The following CEP112 variants were observed in gnomAD, a reference collection of about 807,000 sequenced individuals.
CEP112 encodes centrosomal protein of 112 kDa.
In CEP112, 127 loss-of-function variants were observed where a neutral mutation model predicts 153.0. That is an observed-to-expected ratio of 0.83 (90% confidence interval 0.72 to 0.96). The LOEUF (loss-of-function observed/expected upper bound fraction) is 0.96. Ranked by LOEUF, CEP112 falls within the 40% of genes least tolerant of loss-of-function variation. CEP112 has a pLI of 0.00. For synonymous variants in CEP112, 358 were observed against 374.4 expected, an observed-to-expected ratio of 0.96 and a Z score of 0.51; for missense variants, 1,089 against 1,101.2, an observed-to-expected ratio of 0.99 and a Z score of 0.16.
At chr17:66,142,974 G>A (rs934372403) in intron 4 of CEP112, among the ~76,000 whole-genome samples, 3 of 152,160 alleles carry the variant, frequency 2.0e-5, no homozygotes, top group African/African-American at 7.2e-5. Context: ...CAATCCATGA[G>A]CACAGGATAT....
At chr17:65,687,155 T>C (rs1439599176) in intron 24 of CEP112, among the ~76,000 whole-genome samples, 6 of 143,632 alleles carry the variant, frequency 4.2e-5, no homozygotes, top group Non-Finnish European at 7.4e-5. Flanking sequence ...GTATAGTTAT[T>C]ATTAATTTTT....
chr17:65,962,265 T>C (rs2062232159), intron 17 of CEP112, among the ~76,000 whole-genome samples: 1 of 151,426 alleles, frequency 6.6e-6, no homozygotes, highest in Admixed American at 6.6e-5. Flanking sequence ...ATGTGAATTA[T>C]ATCTCATGTT....
At chr17:66,046,634 A>C (rs949668416) in intron 12 of CEP112, among the ~76,000 whole-genome samples, 2 of 152,216 alleles carry the variant, frequency 1.3e-5, no homozygotes, top group African/African-American at 4.8e-5. Context: ...GTTGAAGGAC[A>C]ATCTCCCGTA....
chr17:66,164,019 T>C lies in CEP112; in HGVS notation c.470+11025A>G, dbSNP rs2071825381. ...CAAGGACCATTATTTTCAAAGCTGC[T>C]CCATCCCAGTTACAAATAGTTGCCA... is the stretch of plus-strand genomic sequence containing the variant. On this transcript the variant is annotated intron_variant, in intron 4 of 26. Transcript: ENST00000535342. 3.3e-5 allele frequency among the ~76,000 whole-genome samples: 5 copies of C among 152,204 alleles called. No homozygotes were observed. In the South Asian group the frequency reaches 1.0e-3, roughly 31 times the overall value.
At chr17:65,950,949 G>A (rs181731262) in intron 18 of CEP112, among the ~76,000 whole-genome samples, 1 of 152,028 alleles carries the variant, frequency 6.6e-6, no homozygotes, top group African/African-American at 2.4e-5. Context: ...AATCATAAAT[G>A]GTGCTTGAAT....
At chr17:65,837,406 T>C (rs2057354564) in intron 21 of CEP112, among the ~76,000 whole-genome samples, 1 of 151,786 alleles carries the variant, frequency 6.6e-6, no homozygotes, top group East Asian at 1.9e-4. Context: ...GGAGCGCCTC[T>C]GCCCCGCCGC....
At chr17:65,734,704 T>C (rs1361314499) in intron 23 of CEP112, among the ~76,000 whole-genome samples, 1 of 152,210 alleles carries the variant, frequency 6.6e-6, no homozygotes, top group Non-Finnish European at 1.5e-5. Context: ...GATGTTATTT[T>C]GATTGAAGAA....
At chr17:66,014,711 C>A (rs1343416217) in intron 16 of CEP112, among the ~76,000 whole-genome samples, 1 of 152,150 alleles carries the variant, frequency 6.6e-6, no homozygotes, top group Non-Finnish European at 1.5e-5. Context: ...ACATTAGGAG[C>A]CAGGAAGAAG....
intron 21 of CEP112, among the ~76,000 whole-genome samples, chr17:65,790,828 TCTG>T (rs1210677358): frequency 1.3e-5 from 2 of 152,198 alleles, no homozygotes; most frequent in Non-Finnish European, 2.9e-5. Flanking sequence ...TCTGTGATCT[TCTG>T]CTAAGTTCTT....
chr17:66,187,313 A>G (rs774786167), intron 1 of CEP112, among the ~76,000 whole-genome samples: 24 of 152,064 alleles, frequency 1.6e-4, no homozygotes, highest in Non-Finnish European at 2.9e-4. Flanking sequence ...CATTCGCCAA[A>G]TCCACTTACT....
At chr17:65,947,245 T>C (rs951332816) in intron 18 of CEP112, among the ~76,000 whole-genome samples, 1 of 121,918 alleles carries the variant, frequency 8.2e-6, no homozygotes, top group African/African-American at 2.7e-5. Flanking sequence ...ACACCTTCTA[T>C]TATAATCATA....
At chr17:66,104,893 G>T (rs1742649960) in intron 6 of CEP112, among the ~76,000 whole-genome samples, 1 of 152,152 alleles carries the variant, frequency 6.6e-6, no homozygotes, top group African/African-American at 2.4e-5. Context: ...GAATTTCTTT[G>T]ATCCGAAAGG....
At chr17:65,894,690 G>A (rs1468902138) in intron 20 of CEP112, among the ~76,000 whole-genome samples, 1 of 152,030 alleles carries the variant, frequency 6.6e-6, no homozygotes, top group African/African-American at 2.4e-5. Context: ...ATCAAGACTG[G>A]TAGGCCTCAT....
At chr17:65,750,638 T>C (rs746906381) in intron 22 of CEP112, 24 bp downstream of exon 22, 5 of 1,608,236 alleles carry the variant, frequency 3.1e-6, no homozygotes, top group Non-Finnish European at 4.3e-6. Flanking sequence ...TTTACCCTGT[T>C]TTGTGTCTTT....
At chr17:65,660,401 T>C (rs952376902) in intron 24 of CEP112, among the ~76,000 whole-genome samples, 11 of 113,586 alleles carry the variant, frequency 9.7e-5, no homozygotes, top group African/African-American at 2.9e-4. Flanking sequence ...CTCCCTCCCT[T>C]CCTTTCTCCC....
intron 21 of CEP112, among the ~76,000 whole-genome samples, chr17:65,835,687 A>G (rs1273215282): frequency 6.6e-6 from 1 of 152,184 alleles, no homozygotes; most frequent in Non-Finnish European, 1.5e-5. Context: ...ATTCATCAAC[A>G]CCAGACCTGT....
chr17:66,126,311 G>T (rs566319730), intron 6 of CEP112, among the ~76,000 whole-genome samples: 2 of 151,888 alleles, frequency 1.3e-5, no homozygotes, highest in African/African-American at 4.8e-5. Context: ...TACATTAATC[G>T]CAAAATAAAT....
chr17:66,017,647 A>C (rs17625989), intron 16 of CEP112, among the ~76,000 whole-genome samples: 62,463 of 151,972 alleles, frequency 0.41, 14,305 homozygotes, highest in East Asian at 0.87. Flanking sequence ...AGTGAGAGAT[A>C]ATTGCATACA....
At chr17:65,955,564 G>T (rs951262440) in intron 18 of CEP112, among the ~76,000 whole-genome samples, 1 of 152,094 alleles carries the variant, frequency 6.6e-6, no homozygotes, top group Non-Finnish European at 1.5e-5. Flanking sequence ...TGGCAGAATC[G>T]ATAAGAATTC....
Sources: allele counts gnomAD v4.1 joint callset (sites outside exome capture counted in the v4.1 genomes callset), GRCh38; gene constraint gnomAD v4.1.1; transcripts MANE v1.5; gene names NCBI Gene and HGNC (gene_info 2026-07-23, HGNC 2026-07-21).